The following LRCH1 variants were observed in gnomAD, a reference collection of about 807,000 sequenced individuals.
LRCH1 encodes the protein leucine rich repeats and calponin homology domain containing 1, also known as leucine-rich repeat and calponin homology domain-containing protein 1.
A neutral mutation model predicts 94.9 loss-of-function variants in LRCH1; 23 were observed. That is an observed-to-expected ratio of 0.24 (90% CI 0.17 to 0.34). The LOEUF (loss-of-function observed/expected upper bound fraction) is 0.34, where lower values mean the gene tolerates loss of function less well. LRCH1 is among the 10% of genes least tolerant of loss of function. The pLI, the probability that LRCH1 is intolerant of heterozygous loss-of-function variation, is 1.00. For missense variants in LRCH1, 790 were observed against 945.9 expected, an observed-to-expected ratio of 0.84 and a Z score of 2.16; for synonymous variants, 364 against 354.9, an observed-to-expected ratio of 1.03 and a Z score of -0.29.
chr13:46,670,478 T>C (rs1476952373), intron 3 of LRCH1, among the ~76,000 whole-genome samples: 1 of 152,218 alleles, frequency 6.6e-6, no homozygotes, highest in African/African-American at 2.4e-5. Context: ...AGAGACCTAC[T>C]AGCATCTCTC....
At chr13:46,646,689 A>G (rs2138072293) in intron 1 of LRCH1, among the ~76,000 whole-genome samples, 1 of 152,368 alleles carries the variant, frequency 6.6e-6, no homozygotes, top group Non-Finnish European at 1.5e-5. Flanking sequence ...ATTACATTCA[A>G]TCACACAAAA....
At position 46,553,557 on chromosome 13, in the gene LRCH1, G is replaced by C; in HGVS notation, c.161G>C (p.Gly54Ala). 1 of 1,548,104 alleles carries C rather than the reference G, an allele frequency of 6.5e-7. No individual in the cohort carries two copies. The highest frequency in any genetic ancestry group is 8.7e-7 in the Non-Finnish European group (1 of 1,145,512). Residue 54 changes from glycine (G) to alanine (A), a missense_variant, in exon 1 of 20, where the codon GGC (glycine) becomes GCC (alanine). Gly to Ala is a moderately conservative substitution (Grantham distance 60). Coordinates refer to ENST00000389797, the MANE Select transcript of LRCH1 (RefSeq NM_001164211.2). ...GGTGGTGGCGGCGGTGGCAGCGGGGGCTTCAACCTGCCCTTGAACCGGGGT... is the reference window on the plus strand; with the variant it reads ...GGTGGTGGCGGCGGTGGCAGCGGGGCCTTCAACCTGCCCTTGAACCGGGGT... The part of the protein sequence containing the change: ...GAGGGGGGSG[G>A]FNLPLNRGLE...
At chr13:46,620,989 G>C (rs924321679) in intron 1 of LRCH1, among the ~76,000 whole-genome samples, 72 of 152,274 alleles carry the variant, frequency 4.7e-4, no homozygotes, top group African/African-American at 1.5e-3. Context: ...CAGGGACTGG[G>C]CCTTAGTCCT....
intron 3 of LRCH1, among the ~76,000 whole-genome samples, chr13:46,670,308 A>G (rs898157266): frequency 6.6e-6 from 1 of 152,234 alleles, no homozygotes; most frequent in African/African-American, 2.4e-5. Context: ...ATCACTTACG[A>G]TGAAGACATT....
At chr13:46,729,103 CA>C (rs1371008421) in intron 18 of LRCH1, 119 bp downstream of exon 18, 1 of 947,356 alleles carries the variant, frequency 1.1e-6, no homozygotes, top group Non-Finnish European at 1.5e-6. Context: ...CATTGGGCCC[CA>C]AACCATTATA....
chr13:46,694,783 A>G, intron 8 of LRCH1, 110 bp from the exon 9 acceptor site: 2 of 1,194,714 alleles, frequency 1.7e-6, no homozygotes, highest in Non-Finnish European at 2.4e-6. Flanking sequence ...TACCTTCTTC[A>G]TAGGGAACAC....
At chr13:46,733,096 T>A in intron 18 of LRCH1, among the ~76,000 whole-genome samples, 1 of 152,220 alleles carries the variant, frequency 6.6e-6, no homozygotes, top group East Asian at 1.9e-4. Flanking sequence ...AAGGCCAGTC[T>A]TTATCACAGT....
At chr13:46,740,832 G>A (rs1156916450) in intron 19 of LRCH1, among the ~76,000 whole-genome samples, 1 of 152,208 alleles carries the variant, frequency 6.6e-6, no homozygotes, top group African/African-American at 2.4e-5. Context: ...GAGCCTCTTA[G>A]TTTGCAGTTA....
At position 46,672,706 on chromosome 13, in the gene LRCH1, G is replaced by A. The variant is rs114664250; in HGVS notation, c.579+3550G>A. 4.9e-3 allele frequency among the ~76,000 whole-genome samples: 739 copies of A among 152,308 alleles called. 12 individuals carry two copies. The highest frequency in any genetic ancestry group is 0.017 in the African/African-American group (712 of 41,558). On this transcript the variant is annotated intron_variant, in intron 3 of 19. Coordinates refer to ENST00000389797, the MANE Select transcript of LRCH1 (RefSeq NM_001164211.2). Reference sequence around the variant, plus strand: ...ACCCTGTCCTGGCCCCAGCTCTAACGAGGGCTGCCCTGCATTACAGGACTG... The same window carrying A: ...ACCCTGTCCTGGCCCCAGCTCTAACAAGGGCTGCCCTGCATTACAGGACTG...
chr13:46,665,138 C>T (rs1042721159), intron 2 of LRCH1, among the ~76,000 whole-genome samples: 1 of 151,944 alleles, frequency 6.6e-6, no homozygotes, highest in African/African-American at 2.4e-5. Flanking sequence ...AGGTATATTC[C>T]AGTAGAATTT....
chr13:46,575,518 G>GTGTA (rs1021470184), intron 1 of LRCH1, among the ~76,000 whole-genome samples: 3 of 142,452 alleles, frequency 2.1e-5, no homozygotes, highest in Non-Finnish European at 4.9e-5. Flanking sequence ...GAATGTGTGT[G>GTGTA]TGTGTGTGTG....
chr13:46,719,989 C>T (rs1229813734), intron 16 of LRCH1, among the ~76,000 whole-genome samples: 1 of 152,086 alleles, frequency 6.6e-6, no homozygotes, highest in Non-Finnish European at 1.5e-5. Context: ...CAGACTGAGA[C>T]TCCATCTCAA....
chr13:46,610,272 C>T (rs1046106890), intron 1 of LRCH1, among the ~76,000 whole-genome samples: 6 of 152,044 alleles, frequency 3.9e-5, no homozygotes, highest in African/African-American at 9.7e-5. Flanking sequence ...TGTATGTGAT[C>T]GTATACATTT....
At chr13:46,688,083 C>A in intron 6 of LRCH1, 104 bp downstream of exon 6, 1 of 1,172,330 alleles carries the variant, frequency 8.5e-7, no homozygotes, top group Non-Finnish European at 1.2e-6. Flanking sequence ...ACCATGGTAT[C>A]TGCAGAAAAC....
intron 1 of LRCH1, among the ~76,000 whole-genome samples, chr13:46,642,815 T>C (rs1484159232): frequency 6.6e-6 from 1 of 152,210 alleles, no homozygotes; most frequent in Non-Finnish European, 1.5e-5. Flanking sequence ...CTCACCTGGC[T>C]TTCCCATAGC....
chr13:46,645,517 T>G (rs777460650), intron 1 of LRCH1, among the ~76,000 whole-genome samples: 9 of 152,238 alleles, frequency 5.9e-5, no homozygotes, highest in Admixed American at 1.3e-4. Flanking sequence ...TTTAATATAT[T>G]TGACTTCAGA....
intron 1 of LRCH1, among the ~76,000 whole-genome samples, chr13:46,613,283 G>T (rs372499701): frequency 6.6e-6 from 1 of 151,950 alleles, no homozygotes; most frequent in Admixed American, 6.6e-5. Context: ...CCAGCTGCTC[G>T]GGAGGCTGAG....
intron 3 of LRCH1, among the ~76,000 whole-genome samples, chr13:46,675,818 T>C: frequency 6.6e-6 from 1 of 152,206 alleles, no homozygotes; most frequent in East Asian, 1.9e-4. Context: ...CATTTCTGCC[T>C]TTCTTCTGAA....
At chr13:46,684,463 T>C (rs548281867) in intron 4 of LRCH1, among the ~76,000 whole-genome samples, 1 of 152,194 alleles carries the variant, frequency 6.6e-6, no homozygotes, top group African/African-American at 2.4e-5. Context: ...AGCCCTCTAG[T>C]CTTGCTTTGA....
Sources: allele counts gnomAD v4.1 joint callset (sites outside exome capture counted in the v4.1 genomes callset), GRCh38; gene constraint gnomAD v4.1.1; transcripts MANE v1.5; gene names NCBI Gene and HGNC (gene_info 2026-07-23, HGNC 2026-07-21).